Variants in PARD3B observed in about 807,000 individuals in gnomAD.
The protein encoded by PARD3B is partitioning defective 3 homolog B.
Under a neutral mutation model 130.2 loss-of-function variants are expected in PARD3B, and 103 were observed. That is an observed-to-expected ratio of 0.79 (90% confidence interval 0.67 to 0.93). The LOEUF is 0.93. Among genes scored for constraint, PARD3B ranks in the 40% least tolerant of loss-of-function variants. PARD3B has a pLI of 0.00. For missense variants in PARD3B, 1,609 were observed against 1,499.2 expected, an observed-to-expected ratio of 1.07 and a Z score of -1.21; for synonymous variants, 583 against 553.2, an observed-to-expected ratio of 1.05 and a Z score of -0.76.
chr2:204,616,668 T>C (rs1198356554), intron 1 of PARD3B, among the ~76,000 whole-genome samples: 9 of 152,226 alleles, frequency 5.9e-5, no homozygotes, highest in African/African-American at 1.9e-4. Context: ...TCTGCACATG[T>C]ATATTTATAG....
intron 2 of PARD3B, among the ~76,000 whole-genome samples, chr2:204,794,184 A>G (rs563722115): frequency 6.6e-6 from 1 of 152,364 alleles, no homozygotes; most frequent in South Asian, 2.1e-4. Flanking sequence ...TCTGAAGGTC[A>G]GAACATTCCT....
intron 2 of PARD3B, among the ~76,000 whole-genome samples, chr2:204,711,678 T>C (rs1309783362): frequency 1.3e-5 from 2 of 152,082 alleles, no homozygotes; most frequent in South Asian, 2.1e-4. Context: ...CCTGAGTAGC[T>C]GGGACCACAG....
At chr2:204,793,168 C>T (rs2042255185) in intron 2 of PARD3B, among the ~76,000 whole-genome samples, 1 of 152,140 alleles carries the variant, frequency 6.6e-6, no homozygotes, top group Non-Finnish European at 1.5e-5. Context: ...TGCTGTATTC[C>T]ACTTTTTCTC....
chr2:204,970,330 T>C (rs904783353), intron 3 of PARD3B, among the ~76,000 whole-genome samples: 4 of 152,204 alleles, frequency 2.6e-5, no homozygotes, highest in African/African-American at 9.6e-5. Context: ...CCTATCTCTA[T>C]CAGAACCAAC....
chr2:204,944,696 T>C (rs2125810667), intron 2 of PARD3B, among the ~76,000 whole-genome samples: 1 of 152,366 alleles, frequency 6.6e-6, no homozygotes, highest in African/African-American at 2.4e-5. Context: ...GTTTTCTAAA[T>C]TTTAGAAAAG....
chr2:205,232,127 A>G (rs768985926), intron 15 of PARD3B, among the ~76,000 whole-genome samples: 3 of 152,246 alleles, frequency 2.0e-5, no homozygotes, highest in Non-Finnish European at 4.4e-5. Context: ...ACTCTTTCCA[A>G]GTAACTATAT....
At chr2:204,640,526 TTCCCTTTCCTTG>T (rs1309634774) in intron 1 of PARD3B, among the ~76,000 whole-genome samples, 1 of 152,216 alleles carries the variant, frequency 6.6e-6, no homozygotes, top group Non-Finnish European at 1.5e-5. Flanking sequence ...CTGGTAACTG[TTCCCTTTCCTTG>T]TCCCTTCAAG....
chr2:205,191,879 G>A (rs2036418155), intron 14 of PARD3B, among the ~76,000 whole-genome samples: 1 of 152,026 alleles, frequency 6.6e-6, no homozygotes, highest in African/African-American at 2.4e-5. Flanking sequence ...GAGGAGATGA[G>A]GTCTACCTTT....
intron 2 of PARD3B, among the ~76,000 whole-genome samples, chr2:204,931,545 G>T (rs1688031590): frequency 6.6e-6 from 1 of 151,356 alleles, no homozygotes; most frequent in Non-Finnish European, 1.5e-5. Context: ...CATTGTCCTT[G>T]TAACATGGGG....
In PARD3B at chr2:205,525,400, T is replaced by C. The variant is rs2106412836; in HGVS notation, c.3180+25369T>C. Among the ~76,000 whole-genome samples, 1 of 152,320 alleles carries C rather than the reference T, an allele frequency of 6.6e-6. No individual in the cohort carries two copies. Among genetic ancestry groups the C allele is most frequent in the East Asian group, 1.9e-4 (1 of 5,178 alleles). ...GGAGGATTAAGAGGTTTTTTTGTTT[T>C]TGTTTTTACATTGAAGATGTAAAAA... On this transcript the variant is annotated intron_variant, in intron 21 of 22. Coordinates refer to ENST00000406610, the MANE Select transcript of PARD3B (RefSeq NM_001302769.2). This position sits in a 1 kb window ranked among gnomAD's most constrained non-coding sequence, Gnocchi z 4.2.
At chr2:204,715,971 A>T (rs2038701584) in intron 2 of PARD3B, among the ~76,000 whole-genome samples, 1 of 152,176 alleles carries the variant, frequency 6.6e-6, no homozygotes. Context: ...ACCCTGATGT[A>T]CTCAAATAAG....
intron 18 of PARD3B, among the ~76,000 whole-genome samples, chr2:205,393,888 C>G (rs1439265590): frequency 6.6e-6 from 1 of 151,976 alleles, no homozygotes. Flanking sequence ...ATTTGAATGT[C>G]ATCATTACTT....
chr2:205,405,238 CTG>C lies in PARD3B; in HGVS notation c.2741+4116_2741+4117del, dbSNP rs1352407510. Among the ~76,000 whole-genome samples the C allele has an allele frequency of 6.6e-6, 1 of 152,124 alleles. No homozygotes were observed. Among genetic ancestry groups the C allele is most frequent in the African/African-American group, 2.4e-5 (1 of 41,428 alleles). ...TTACCACAAGGGCATTTGGCTATGT[CTG>C]GAGATATTTTTGATTGTCATAACTC... On this transcript the variant is annotated intron_variant, in intron 19 of 22. Coordinates refer to ENST00000406610, the MANE Select transcript of PARD3B (RefSeq NM_001302769.2). This position sits in a 1 kb window ranked among gnomAD's most constrained non-coding sequence, Gnocchi z 4.1.
chr2:204,710,614 C>G (rs2038388266), intron 2 of PARD3B, among the ~76,000 whole-genome samples: 1 of 152,160 alleles, frequency 6.6e-6, no homozygotes, highest in South Asian at 2.1e-4. Context: ...TCTCTGTCTC[C>G]CTGGTTCTCC....
rs1398184727 is a variant in PARD3B at position 204,669,774 on chromosome 2, A to G, written c.121-16407A>G. Among the ~76,000 whole-genome samples the G allele has an allele frequency of 2.0e-5, 3 of 152,146 alleles. No homozygotes were observed. Among genetic ancestry groups the G allele is most frequent in the Non-Finnish European group, 4.4e-5 (3 of 68,018 alleles). ...GTAGAGCCGACAGAAATGGGAAGGG[A>G]AGGGGTGGAAGGTGAGGAAAAGAGT... On this transcript the variant is annotated intron_variant, in intron 1 of 22. Coordinates refer to ENST00000406610, the MANE Select transcript of PARD3B (RefSeq NM_001302769.2). This position sits in a 1 kb window ranked among gnomAD's most constrained non-coding sequence, Gnocchi z 4.3.
rs1253954740 is a variant in PARD3B, at chr2:205,575,152, T to C, written c.3260+21749T>C. Among the ~76,000 whole-genome samples the C allele has an allele frequency of 6.6e-6, 1 of 151,364 alleles. No individual in the cohort carries two copies. The highest frequency in any genetic ancestry group is 1.5e-5 in the Non-Finnish European group (1 of 67,876). The stretch of plus-strand genomic sequence containing the variant: ...TATAAAAATATATTTTCATGTAAGG[T>C]ATATATATATTATACACACACATAT... On this transcript the variant is annotated intron_variant, in intron 22 of 22. Coordinates refer to ENST00000406610, the MANE Select transcript of PARD3B (RefSeq NM_001302769.2). This position sits in a 1 kb window ranked among gnomAD's most constrained non-coding sequence, Gnocchi z 4.6.
intron 10 of PARD3B, among the ~76,000 whole-genome samples, chr2:205,147,428 T>C (rs986870676): frequency 3.5e-4 from 54 of 152,182 alleles, no homozygotes; most frequent in African/African-American, 1.2e-3. Flanking sequence ...AATATTACAT[T>C]AAGGTACTGA....
intron 18 of PARD3B, among the ~76,000 whole-genome samples, chr2:205,395,654 ATCTTC>A (rs992120938): frequency 6.6e-6 from 1 of 151,992 alleles, no homozygotes; most frequent in African/African-American, 2.4e-5. Flanking sequence ...CCAAATGACT[ATCTTC>A]TCTTCTCAAT....
intron 4 of PARD3B, among the ~76,000 whole-genome samples, chr2:205,053,966 C>T (rs185376720): frequency 3.7e-4 from 56 of 152,204 alleles, no homozygotes; most frequent in Non-Finnish European, 5.4e-4. Context: ...CAGCTGTTCA[C>T]GCTGTGTGCT....
Sources: gnomAD v4.1 joint callset for allele counts (sites outside exome capture counted in the v4.1 genomes callset) on GRCh38, gnomAD v4.1.1 for gene constraint, Gnocchi (gnomAD v3.1) non-coding constraint, MANE v1.5 for transcripts, NCBI Gene and HGNC (gene_info 2026-07-23, HGNC 2026-07-21) for gene names.